Variants in CDH18 observed in about 807,000 individuals in gnomAD.
The protein encoded by CDH18 is cadherin-18.
In CDH18, 31 loss-of-function variants were observed where a neutral mutation model predicts 67.9. That is an observed-to-expected ratio of 0.46 (90% CI 0.34 to 0.62). The LOEUF (loss-of-function observed/expected upper bound fraction) is 0.62, where lower values mean the gene tolerates loss of function less well. CDH18 is among the 20% of genes least tolerant of loss of function. The pLI, the probability that CDH18 is intolerant of heterozygous loss-of-function variation, is 0.01. For missense variants in CDH18, 890 were observed against 975.5 expected, an observed-to-expected ratio of 0.91 and a Z score of 1.17; for synonymous variants, 362 against 347.2, an observed-to-expected ratio of 1.04 and a Z score of -0.48.
chr5:19,984,119 ATAT>A (rs1483053966), intron 1 of CDH18, among the ~76,000 whole-genome samples: 2 of 152,054 alleles, frequency 1.3e-5, no homozygotes, highest in Admixed American at 1.3e-4. Flanking sequence ...GTTACATATA[ATAT>A]TATGAAATTG....
At position 20,371,976 on chromosome 5, in the gene CDH18, G is replaced by A. The variant is rs549587566; in HGVS notation, c.-579-116471C>T. On this transcript the variant is annotated intron_variant, in intron 1 of 14. Coordinates refer to the CDH18 transcript ENST00000507958. ...TTAAGCCTTGCCATGTCCCAGGCAT[G>A]TTCTCATGCTCTTTCCATGCCTTAT... Among the ~76,000 whole-genome samples, 7 of 152,348 alleles carry A rather than the reference G, an allele frequency of 4.6e-5. No homozygotes were observed. The South Asian group carries it at 1.4e-3, about 32-fold the overall frequency.
chr5:19,733,461 C>T (rs1197765557), intron 4 of CDH18, among the ~76,000 whole-genome samples: 1 of 152,154 alleles, frequency 6.6e-6, no homozygotes, highest in Non-Finnish European at 1.5e-5. Flanking sequence ...ACCCAACTCT[C>T]CCATCTCTTC....
chr5:20,480,505 C>T (rs1431136836), intron 1 of CDH18, among the ~76,000 whole-genome samples: 5 of 152,068 alleles, frequency 3.3e-5, no homozygotes, highest in Non-Finnish European at 5.9e-5. Context: ...GCAGCCTGTG[C>T]CTCCCAGGTT....
At chr5:19,848,630 A>T (rs140791037) in intron 2 of CDH18, among the ~76,000 whole-genome samples, 128 of 152,120 alleles carry the variant, frequency 8.4e-4, no homozygotes, top group Non-Finnish European at 1.6e-3. Flanking sequence ...GAAGTGTATA[A>T]CATAAAATGA....
intron 2 of CDH18, among the ~76,000 whole-genome samples, chr5:20,168,499 A>G (rs1038403517): frequency 6.6e-6 from 1 of 152,144 alleles, no homozygotes; most frequent in African/African-American, 2.4e-5. Flanking sequence ...ATAAATAATA[A>G]TATCTATTGG....
chr5:19,649,105 C>T (rs1213637669), intron 5 of CDH18, among the ~76,000 whole-genome samples: 1 of 152,072 alleles, frequency 6.6e-6, no homozygotes, highest in Non-Finnish European at 1.5e-5. Flanking sequence ...CAGGCCTAAC[C>T]ATTTTAGAAA....
intron 3 of CDH18, among the ~76,000 whole-genome samples, chr5:19,810,309 T>C (rs906728891): frequency 6.6e-6 from 1 of 151,870 alleles, no homozygotes; most frequent in Non-Finnish European, 1.5e-5. Context: ...TCAGCCTGGG[T>C]GACAGAGTGA....
At chr5:19,601,853 G>A (rs978477418) in intron 6 of CDH18, among the ~76,000 whole-genome samples, 1 of 151,436 alleles carries the variant, frequency 6.6e-6, no homozygotes, top group Non-Finnish European at 1.5e-5. Flanking sequence ...AAAATCACAA[G>A]GTCATGTCAA....
intron 2 of CDH18, among the ~76,000 whole-genome samples, chr5:19,922,866 T>C (rs905518803): frequency 1.3e-5 from 2 of 152,156 alleles, no homozygotes; most frequent in Non-Finnish European, 2.9e-5. Context: ...TTTCAAGCTA[T>C]TTTTGGAGGA....
chr5:19,752,839 C>T (rs911313511), intron 3 of CDH18, among the ~76,000 whole-genome samples: 10 of 152,158 alleles, frequency 6.6e-5, no homozygotes, highest in South Asian at 6.2e-4. Flanking sequence ...GACCCACAGA[C>T]GGTTCACATC....
intron 7 of CDH18, among the ~76,000 whole-genome samples, chr5:19,584,803 A>AAAG (rs1413875554): frequency 6.7e-6 from 1 of 148,924 alleles, no homozygotes; most frequent in African/African-American, 2.4e-5. Context: ...CAAAAAAAAA[A>AAAG]AAAAAAAAAG....
rs185910445 is a variant in CDH18, at chr5:19,708,284, A to T, written c.643+13063T>A. ...GCTGCAGATGGATTAGTAGCTATTA[A>T]CCCATTTAAATGGATAAAAACACCT... On this transcript the variant is annotated intron_variant, in intron 5 of 12. Transcript: ENST00000382275. Among the ~76,000 whole-genome samples, 795 of 152,272 alleles carry T rather than the reference A, an allele frequency of 5.2e-3. 3 individuals are homozygous for T. The highest frequency in any genetic ancestry group is 9.4e-3 in the Non-Finnish European group (641 of 68,014).
intron 5 of CDH18, among the ~76,000 whole-genome samples, chr5:19,721,047 G>A (rs921489622): frequency 1.3e-5 from 2 of 152,102 alleles, no homozygotes; most frequent in Non-Finnish European, 2.9e-5. Flanking sequence ...TTTGTAATAT[G>A]CCATATTTGT....
chr5:19,766,902 T>G (rs1773163409), intron 3 of CDH18, among the ~76,000 whole-genome samples: 1 of 152,172 alleles, frequency 6.6e-6, no homozygotes, highest in South Asian at 2.1e-4. Flanking sequence ...TATTATACTA[T>G]CTTTTCTTTT....
intron 2 of CDH18, among the ~76,000 whole-genome samples, chr5:20,205,938 T>G (rs965847778): frequency 1.1e-4 from 17 of 151,720 alleles, no homozygotes; most frequent in African/African-American, 4.1e-4. Flanking sequence ...CATTAAGGAC[T>G]TAGAAAAGCA....
chr5:19,480,200 G>A (rs1739165739), intron 12 of CDH18, among the ~76,000 whole-genome samples: 1 of 152,042 alleles, frequency 6.6e-6, no homozygotes, highest in South Asian at 2.1e-4. Flanking sequence ...CTTCAGTTAG[G>A]ACTCTAGAGA....
intron 9 of CDH18, among the ~76,000 whole-genome samples, chr5:19,542,212 C>T (rs553499668): frequency 6.6e-6 from 1 of 152,232 alleles, no homozygotes. Context: ...TAGAAGCATG[C>T]ATAAACTACA....
intron 2 of CDH18, among the ~76,000 whole-genome samples, chr5:20,123,274 T>G (rs991830905): frequency 6.6e-6 from 1 of 152,110 alleles, no homozygotes; most frequent in Non-Finnish European, 1.5e-5. Flanking sequence ...TTTTCCACTG[T>G]GGGGAATTTA....
At chr5:19,696,356 G>A (rs1762541390) in intron 5 of CDH18, among the ~76,000 whole-genome samples, 1 of 151,518 alleles carries the variant, frequency 6.6e-6, no homozygotes, top group Non-Finnish European at 1.5e-5. Flanking sequence ...GGTCAACATG[G>A]TGAAACCCTG....
Sources: gnomAD v4.1 joint callset for allele counts (sites outside exome capture counted in the v4.1 genomes callset) on GRCh38, gnomAD v4.1.1 for gene constraint, MANE v1.5 for transcripts, NCBI Gene and HGNC (gene_info 2026-07-23, HGNC 2026-07-21) for gene names.